TRPM3: variants seen among roughly 807,000 people sequenced by gnomAD.
TRPM3 encodes the protein long transient receptor potential channel 3.
In TRPM3, 77 loss-of-function variants were observed where a neutral mutation model predicts 181.2. The ratio of observed to expected loss-of-function variants is 0.42; its 90% CI spans 0.35 to 0.51. The LOEUF is 0.51. TRPM3 is among the 20% of genes least tolerant of loss of function. The pLI, the probability that TRPM3 is intolerant of heterozygous loss-of-function variation, is 0.01. For missense variants in TRPM3, 1,759 were observed against 2,196.7 expected (o/e 0.80, Z 3.98); for synonymous variants, 745 against 796.4 (o/e 0.94, Z 1.09).
chr9:71,112,639 C>T (rs942021859), intron 1 of TRPM3, among the ~76,000 whole-genome samples: 76 of 152,316 alleles, frequency 5.0e-4, no homozygotes, highest in African/African-American at 1.8e-3. Flanking sequence ...ACACCCGAGA[C>T]ATTCTAGGCT....
At chr9:70,641,679 G>A (rs756211539) in intron 9 of TRPM3, among the ~76,000 whole-genome samples, 4 of 152,172 alleles carry the variant, frequency 2.6e-5, no homozygotes, top group African/African-American at 4.8e-5. Flanking sequence ...GTTCCATGTG[G>A]CTAGTGACTA....
intron 1 of TRPM3, among the ~76,000 whole-genome samples, chr9:71,027,958 T>C (rs586753): frequency 0.91 from 138,400 of 152,178 alleles, 63,025 homozygotes; most frequent in East Asian, 1. Context: ...ATTCAGGAAA[T>C]GCAGAAAACT....
chr9:71,362,582 A>G lies in TRPM3; in HGVS notation c.183+84071T>C, dbSNP rs1347763118. Among the ~76,000 whole-genome samples, 4 of 152,220 alleles carry G rather than the reference A, an allele frequency of 2.6e-5. 1 individual carries two copies. The highest frequency in any genetic ancestry group is 4.1e-4 in the South Asian group (2 of 4,832). ...CAGTATACTTATACACTCTAAAAAT[A>G]TAAGAGTTGAAATTAAAGTTTTAAA... is the stretch of plus-strand genomic sequence containing the variant. On this transcript the variant is annotated intron_variant, in intron 1 of 24. Transcript: ENST00000357533.
At chr9:70,939,100 G>A (rs990648016) in intron 1 of TRPM3, among the ~76,000 whole-genome samples, 3 of 152,186 alleles carry the variant, frequency 2.0e-5, no homozygotes, top group African/African-American at 7.2e-5. Context: ...CCTCCTCTGT[G>A]AAAGGTGGTA....
intron 1 of TRPM3, among the ~76,000 whole-genome samples, chr9:70,899,007 A>G (rs921966926): frequency 2.0e-5 from 3 of 152,162 alleles, no homozygotes; most frequent in Admixed American, 1.3e-4. Context: ...TACACTATCC[A>G]TAGGAGACAA....
At position 70,864,422 on chromosome 9, in the gene TRPM3, G is replaced by A; in HGVS notation, c.257+10C>T. ...CTTCATGTTCTCAACATTATAGACA[G>A]CAAGATTACCTATGGGGGTCTTTGG... On this transcript the variant is annotated intron_variant, in intron 2 of 25. Transcript: ENST00000677713. 1 of 1,472,708 alleles carries A rather than the reference G, an allele frequency of 6.8e-7. No individual in the cohort carries two copies. Among genetic ancestry groups the A allele is most frequent in the Non-Finnish European group, 8.9e-7 (1 of 1,117,654 alleles). The allele number at this position is 1,472,708 out of a possible 1,614,324, so 91.2% of individuals were successfully genotyped here.
chr9:71,024,369 A>T (rs1461240371), intron 1 of TRPM3, among the ~76,000 whole-genome samples: 4 of 152,156 alleles, frequency 2.6e-5, no homozygotes, highest in Non-Finnish European at 5.9e-5. Flanking sequence ...AATAAAGTAG[A>T]TCAGAGAAGG....
At chr9:70,944,690 A>G (rs996464187) in intron 1 of TRPM3, among the ~76,000 whole-genome samples, 3 of 152,208 alleles carry the variant, frequency 2.0e-5, no homozygotes, top group Non-Finnish European at 4.4e-5. Context: ...ATTCATTAGA[A>G]AAATATATAA....
intron 1 of TRPM3, among the ~76,000 whole-genome samples, chr9:71,381,338 G>A (rs1278950867): frequency 6.6e-6 from 1 of 152,070 alleles, no homozygotes; most frequent in East Asian, 1.9e-4. Flanking sequence ...CACAGAGGTG[G>A]AAGACAGTAG....
At chr9:71,103,901 C>A (rs1340390154) in intron 1 of TRPM3, among the ~76,000 whole-genome samples, 1 of 151,700 alleles carries the variant, frequency 6.6e-6, no homozygotes, top group African/African-American at 2.4e-5. Context: ...AGCAGATGAT[C>A]TGACCCATGC....
intron 6 of TRPM3, among the ~76,000 whole-genome samples, chr9:70,820,591 T>C (rs2093077144): frequency 6.6e-6 from 1 of 152,034 alleles, no homozygotes; most frequent in Admixed American, 6.5e-5. Flanking sequence ...AAGGTCCAAG[T>C]CTCAGGTTGG....
chr9:71,163,420 T>C (rs1269693727), intron 1 of TRPM3, among the ~76,000 whole-genome samples: 1 of 152,128 alleles, frequency 6.6e-6, no homozygotes, highest in Non-Finnish European at 1.5e-5. Context: ...TGAAGGGATA[T>C]AGCAGAAGTG....
At chr9:70,682,394 A>G (rs998430236) in intron 8 of TRPM3, among the ~76,000 whole-genome samples, 1 of 152,184 alleles carries the variant, frequency 6.6e-6, no homozygotes, top group Admixed American at 6.5e-5. Context: ...ATCCAGTTCC[A>G]TAACTCCTAA....
intron 8 of TRPM3, among the ~76,000 whole-genome samples, chr9:70,749,217 T>C (rs2075711689): frequency 6.6e-6 from 1 of 152,158 alleles, no homozygotes; most frequent in African/African-American, 2.4e-5. Flanking sequence ...TTGTGTATCC[T>C]GAATTGATGT....
intron 1 of TRPM3, among the ~76,000 whole-genome samples, chr9:71,378,065 T>C (rs1029524376): frequency 2.6e-5 from 4 of 152,092 alleles, no homozygotes; most frequent in Non-Finnish European, 5.9e-5. Flanking sequence ...CTAATACATA[T>C]TTGTAAATGA....
intron 12 of TRPM3, among the ~76,000 whole-genome samples, chr9:70,631,844 C>T (rs1354099253): frequency 3.3e-5 from 5 of 152,186 alleles, no homozygotes; most frequent in Non-Finnish European, 5.9e-5. Flanking sequence ...CTGTTGGTCT[C>T]AAAGAAGAGG....
Position 71,279,034 on chromosome 9 carries a change from T to TAAAAAAAAAAAAA in TRPM3, c.183+167618_183+167619insTTTTTTTTTTTTT, listed in dbSNP as rs200421016. ...CCTCACCAAACTTATCCTGCTTAGG[T>TAAAAAAAAAAAAA]TAAAAAAAATAAAAATAAAAATAAA... On this transcript the variant is annotated intron_variant, in intron 1 of 24. Coordinates refer to the TRPM3 transcript ENST00000357533. 1.5e-4 allele frequency among the ~76,000 whole-genome samples: 7 copies of TAAAAAAAAAAAAA among 47,488 alleles called. 2 individuals are homozygous for TAAAAAAAAAAAAA. The highest frequency in any genetic ancestry group is 4.2e-4 in the African/African-American group (4 of 9,560). The allele number at this position is 47,488 out of a possible 152,430, so 31.2% of individuals were successfully genotyped here. A position where few individuals can be genotyped will look rare whatever the true frequency, so the allele number is the denominator to read the frequency against.
chr9:71,282,200 G>A (rs2084817889), intron 1 of TRPM3, among the ~76,000 whole-genome samples: 1 of 38,106 alleles, frequency 2.6e-5, no homozygotes, highest in Non-Finnish European at 5.4e-5. Context: ...AAGAAAGAAT[G>A]AAAGAAAGAA....
intron 1 of TRPM3, among the ~76,000 whole-genome samples, chr9:71,142,830 C>G (rs938850909): frequency 2.1e-5 from 3 of 143,604 alleles, no homozygotes; most frequent in Non-Finnish European, 3.1e-5. Context: ...TTTGGTCAGG[C>G]ATGGTGGCTC....
Sources: allele counts gnomAD v4.1 joint callset (sites outside exome capture counted in the v4.1 genomes callset), GRCh38; gene constraint gnomAD v4.1.1; transcripts MANE v1.5; gene names NCBI Gene and HGNC (gene_info 2026-07-23, HGNC 2026-07-21).